Variants in MALRD1 observed in about 807,000 individuals in gnomAD.
MALRD1 encodes MAM and LDL receptor class A domain containing 1.
In MALRD1, 247 loss-of-function variants were observed where a neutral mutation model predicts 242.1. That is an observed-to-expected ratio of 1.02 (90% CI 0.92 to 1.13). MALRD1 has a LOEUF of 1.13. MALRD1 is among the 50% of genes most tolerant of loss of function. The pLI, the probability that MALRD1 is intolerant of heterozygous loss-of-function variation, is 0.00. For missense variants in MALRD1, 2,989 were observed against 2,533.1 expected, an observed-to-expected ratio of 1.18 and a Z score of -3.86; for synonymous variants, 995 against 866.6, an observed-to-expected ratio of 1.15 and a Z score of -2.60.
chr10:19,282,877 C>A lies in MALRD1; in HGVS notation c.3257-142C>A, dbSNP rs546988597. 13 of 566,000 alleles carry A rather than the reference C, an allele frequency of 2.3e-5. No homozygotes were observed. The East Asian group carries it at 3.8e-4, about 16-fold the overall frequency. 35.1% of individuals were successfully genotyped at this position (566,000 alleles called of 1,614,324 possible). On this transcript the variant is annotated intron_variant, in intron 20 of 39. Coordinates refer to ENST00000454679, the MANE Select transcript of MALRD1 (RefSeq NM_001142308.3). ...CTTTGAAACTCTTCCAGTGATTTTA[C>A]AAACCATTTGCCTAATTATTTTAAT...
At chr10:19,657,164 C>T (rs1013695657) in intron 36 of MALRD1, among the ~76,000 whole-genome samples, 2 of 152,098 alleles carry the variant, frequency 1.3e-5, no homozygotes, top group Admixed American at 6.6e-5. Context: ...AAAGGTGTTC[C>T]GACCCTTCGC....
At chr10:19,188,004 A>G (rs1472224930) in intron 14 of MALRD1, among the ~76,000 whole-genome samples, 6 of 152,228 alleles carry the variant, frequency 3.9e-5, no homozygotes, top group Non-Finnish European at 8.8e-5. Flanking sequence ...CACAATCTCT[A>G]GGGTAGAATC....
chr10:19,143,330 G>T (rs1833614285), intron 10 of MALRD1, among the ~76,000 whole-genome samples: 1 of 152,184 alleles, frequency 6.6e-6, no homozygotes, highest in African/African-American at 2.4e-5. Flanking sequence ...GGATGCATCA[G>T]TCATATGGTA....
intron 19 of MALRD1, among the ~76,000 whole-genome samples, chr10:19,274,033 G>A (rs1279281548): frequency 6.6e-6 from 1 of 152,156 alleles, no homozygotes; most frequent in East Asian, 1.9e-4. Context: ...TGGTGGGACT[G>A]TAAAGTGGTT....
rs549133903 is a variant in MALRD1 at position 19,562,353 on chromosome 10, A to G, written c.5479-5149A>G. 1.4e-5 allele frequency among the ~76,000 whole-genome samples: 2 copies of G among 140,030 alleles called. 1 individual carries two copies. The highest frequency in any genetic ancestry group is 3.1e-5 in the Non-Finnish European group (2 of 63,566). The allele number at this position is 140,030 out of a possible 152,430, so 91.9% of individuals were successfully genotyped here. A position where few individuals can be genotyped will look rare whatever the true frequency, so the allele number is the denominator to read the frequency against. On this transcript the variant is annotated intron_variant, in intron 32 of 39. Coordinates refer to ENST00000454679, the MANE Select transcript of MALRD1 (RefSeq NM_001142308.3). ...GATAGATAGATAGATAGTTAGATAG[A>G]TAGATATCTAGATAGATAGAGAACT...
intron 38 of MALRD1, among the ~76,000 whole-genome samples, chr10:19,719,241 T>C (rs867945445): frequency 1.3e-4 from 16 of 122,730 alleles, no homozygotes; most frequent in African/African-American, 4.7e-4. Flanking sequence ...TATATATATA[T>C]ATATATATAT....
intron 13 of MALRD1, among the ~76,000 whole-genome samples, chr10:19,169,930 AG>A (rs1177946879): frequency 6.6e-6 from 1 of 152,206 alleles, no homozygotes. Flanking sequence ...AATATTGGAA[AG>A]AAGAAAGACA....
chr10:19,542,544 CA>C, intron 32 of MALRD1, among the ~76,000 whole-genome samples: 1 of 150,782 alleles, frequency 6.6e-6, no homozygotes, highest in East Asian at 1.9e-4. Context: ...GTTTTTTTTC[CA>C]AATTGCAGTA....
At chr10:19,328,104 G>T (rs1372928784) in intron 23 of MALRD1, among the ~76,000 whole-genome samples, 1 of 152,016 alleles carries the variant, frequency 6.6e-6, no homozygotes, top group Non-Finnish European at 1.5e-5. Context: ...AAATATTTTT[G>T]GGGGGCACAG....
chr10:19,080,780 A>G (rs534250809), intron 2 of MALRD1, among the ~76,000 whole-genome samples: 55 of 152,144 alleles, frequency 3.6e-4, no homozygotes, highest in Non-Finnish European at 7.2e-4. Flanking sequence ...GATCTAATTA[A>G]ACTAAAGAGA....
At chr10:19,116,895 C>T (rs1313609493) in intron 5 of MALRD1, among the ~76,000 whole-genome samples, 2 of 151,928 alleles carry the variant, frequency 1.3e-5, no homozygotes, top group Non-Finnish European at 2.9e-5. Flanking sequence ...TCGAGACCAG[C>T]CTCAACCTGG....
intron 21 of MALRD1, among the ~76,000 whole-genome samples, chr10:19,294,833 G>A (rs1289756086): frequency 6.6e-6 from 1 of 151,994 alleles, no homozygotes; most frequent in Non-Finnish European, 1.5e-5. Flanking sequence ...TTTTAGAAAA[G>A]TGTTTAGATA....
At chr10:19,681,549 C>T (rs187453347) in intron 36 of MALRD1, among the ~76,000 whole-genome samples, 7 of 152,164 alleles carry the variant, frequency 4.6e-5, no homozygotes, top group African/African-American at 9.6e-5. Flanking sequence ...TTCTGGTTAA[C>T]GCCTCCTGTA....
intron 5 of MALRD1, among the ~76,000 whole-genome samples, chr10:19,107,956 T>G (rs1588554866): frequency 6.6e-6 from 1 of 152,208 alleles, no homozygotes; most frequent in Non-Finnish European, 1.5e-5. Context: ...AATATGATTA[T>G]AATGTGTCTT....
At chr10:19,086,107 T>C (rs1302445087) in intron 2 of MALRD1, among the ~76,000 whole-genome samples, 1 of 152,066 alleles carries the variant, frequency 6.6e-6, no homozygotes, top group African/African-American at 2.4e-5. Flanking sequence ...AAGTATATTC[T>C]TAGAATAATT....
chr10:19,323,670 G>A (rs180936843), intron 21 of MALRD1, among the ~76,000 whole-genome samples: 137 of 152,232 alleles, frequency 9.0e-4, no homozygotes, highest in Middle Eastern at 3.4e-3. Context: ...GTGCAATGGC[G>A]CGATCTCAGC....
intron 20 of MALRD1, among the ~76,000 whole-genome samples, chr10:19,281,954 C>A (rs576923964): frequency 2.1e-4 from 24 of 113,846 alleles, no homozygotes; most frequent in Admixed American, 1.9e-3. Flanking sequence ...CAAAGTGAGA[C>A]GATGTCTCCA....
intron 28 of MALRD1, among the ~76,000 whole-genome samples, chr10:19,442,754 C>T (rs974874376): frequency 1.3e-5 from 2 of 152,148 alleles, no homozygotes; most frequent in Non-Finnish European, 2.9e-5. Context: ...CATCGAGGTT[C>T]ATCAGAGATA....
intron 36 of MALRD1, among the ~76,000 whole-genome samples, chr10:19,690,957 C>G (rs960854645): frequency 1.3e-5 from 2 of 152,012 alleles, no homozygotes; most frequent in African/African-American, 4.8e-5. Context: ...TACTATTTGT[C>G]TAAGATGATT....
Sources: gnomAD v4.1 joint callset for allele counts (sites outside exome capture counted in the v4.1 genomes callset) on GRCh38, gnomAD v4.1.1 for gene constraint, MANE v1.5 for transcripts, NCBI Gene and HGNC (gene_info 2026-07-23, HGNC 2026-07-21) for gene names.